GNB1: variants seen among roughly 807,000 people sequenced by gnomAD.
GNB1 encodes G protein subunit beta 1.
GNB1 carries 2 observed loss-of-function variants against 42.9 expected under a neutral mutation model. The ratio of observed to expected loss-of-function variants is 0.05; its 90% confidence interval spans 0.02 to 0.15. The LOEUF is 0.15. GNB1 is among the 10% of genes least tolerant of loss of function. The probability of loss-of-function intolerance (pLI) is 1.00; values close to 1 mark genes in which losing one functional copy is unlikely to be tolerated. For missense variants in GNB1, 193 were observed against 462.2 expected (o/e 0.42, Z 5.34); for synonymous variants, 183 against 174.7 (o/e 1.05, Z -0.38).
chr1:1,833,326 C>A (rs900791066), intron 2 of GNB1, among the ~76,000 whole-genome samples: 1 of 152,164 alleles, frequency 6.6e-6, no homozygotes, highest in Non-Finnish European at 1.5e-5. Context: ...TTCCATTTTT[C>A]TTTCATTCCC....
intron 1 of GNB1, among the ~76,000 whole-genome samples, chr1:1,841,423 G>T (rs890494588): frequency 1.3e-5 from 2 of 152,122 alleles, no homozygotes; most frequent in Non-Finnish European, 2.9e-5. Context: ...CAGGTAATCC[G>T]CCTGTTTCAG....
chr1:1,793,488 G>T (rs937506992), intron 7 of GNB1, 177 bp from the exon 8 acceptor site: 2 of 495,606 alleles, frequency 4.0e-6, no homozygotes, highest in Non-Finnish European at 7.7e-6. Flanking sequence ...CGCACTGCTG[G>T]TGAGGGTGAG....
At chr1:1,795,493 C>T (rs116184794) in intron 7 of GNB1, among the ~76,000 whole-genome samples, 1,704 of 152,228 alleles carry the variant, frequency 0.011, 28 homozygotes, top group African/African-American at 0.038. Flanking sequence ...TGGCTGGACG[C>T]GGTGGCTCAT....
In GNB1 at chr1:1,822,745, G is replaced by A. The variant is rs1436347956; in HGVS notation, c.57+2652C>T. Among the ~76,000 whole-genome samples the A allele has an allele frequency of 4.6e-5, 7 of 152,142 alleles. No individual in the cohort carries two copies. In the South Asian group the frequency reaches 6.2e-4, roughly 14 times the overall value. ...CACAACGTGACAGGGTCCAAACCTC[G>A]GAAGGAGGTGCAACAGTTCCTTTTG... is the stretch of plus-strand genomic sequence containing the variant. On this transcript the variant is annotated intron_variant, in intron 3 of 11. Coordinates refer to ENST00000378609, the MANE Select transcript of GNB1 (RefSeq NM_002074.5).
At chr1:1,888,915 C>T (rs914705385) in intron 1 of GNB1, among the ~76,000 whole-genome samples, 2 of 152,190 alleles carry the variant, frequency 1.3e-5, no homozygotes, top group Admixed American at 1.3e-4. Flanking sequence ...GGGAGGCTCT[C>T]AGACCTGTCT....
At position 1,815,637 on chromosome 1, in the gene GNB1, T is replaced by C. The variant is rs891447478; in HGVS notation, c.203+119A>G. ...GCACCTTGCGTGCCCAGAGTTCTGA[T>C]TCAACTTCCTAATTTCTTCACTGCA... On this transcript the variant is annotated intron_variant, in intron 5 of 11. Transcript: ENST00000378609. The C allele has an allele frequency of 4.8e-6, 3 of 627,038 alleles. No individual in the cohort carries two copies. In the African/African-American group the frequency reaches 5.5e-5, roughly 12 times the overall value. 38.8% of individuals were successfully genotyped at this position (627,038 alleles called of 1,614,324 possible). A position where few individuals can be genotyped will look rare whatever the true frequency, so the allele number is the denominator to read the frequency against.
chr1:1,877,224 G>A (rs1218876252), intron 1 of GNB1, among the ~76,000 whole-genome samples: 1 of 151,126 alleles, frequency 6.6e-6, no homozygotes, highest in African/African-American at 2.4e-5. Context: ...CGCCTGAGCT[G>A]GGGAGGTGGA....
intron 1 of GNB1, among the ~76,000 whole-genome samples, chr1:1,867,948 TTACCTATAA>T (rs1299006641): frequency 6.6e-6 from 1 of 152,204 alleles, no homozygotes; most frequent in Non-Finnish European, 1.5e-5. Flanking sequence ...TTTGTTCCAC[TTACCTATAA>T]TACTTATAAA....
chr1:1,830,000 A>G (rs890074399), intron 2 of GNB1, among the ~76,000 whole-genome samples: 2 of 152,052 alleles, frequency 1.3e-5, no homozygotes, highest in Non-Finnish European at 2.9e-5. Context: ...TCGGCCTCCC[A>G]AAGTGCTGGG....
intron 1 of GNB1, among the ~76,000 whole-genome samples, chr1:1,843,498 A>G (rs549171000): frequency 3.2e-4 from 48 of 152,176 alleles, no homozygotes; most frequent in African/African-American, 1.1e-3. Flanking sequence ...CGGTGCTGGG[A>G]TTGCAGGCAC....
chr1:1,804,732 C>A (rs761312341), intron 6 of GNB1, 151 bp from the exon 7 acceptor site: 1 of 613,168 alleles, frequency 1.6e-6, no homozygotes, highest in East Asian at 2.8e-5. Flanking sequence ...CATATGTGGC[C>A]ACTCAGGTGA....
intron 1 of GNB1, among the ~76,000 whole-genome samples, chr1:1,882,715 G>A (rs1649920876): frequency 6.6e-6 from 1 of 152,184 alleles, no homozygotes; most frequent in African/African-American, 2.4e-5. Context: ...GAGGTCAGGA[G>A]TTTGAGACCA....
chr1:1,821,677 C>G (rs1036392677), intron 3 of GNB1, among the ~76,000 whole-genome samples: 1 of 152,190 alleles, frequency 6.6e-6, no homozygotes, highest in African/African-American at 2.4e-5. Context: ...AGCAGCTAGG[C>G]GCCTCTCCTA....
rs964723480 is a variant in GNB1, at chr1:1,890,944, C to A, written c.-220G>T. On this transcript the variant is annotated 5_prime_UTR_variant, in exon 1 of 12. Transcript: ENST00000378609. Reference sequence around the variant, plus strand: ...TGCGGGCAGGTGCGCGCCGGCGAGGCTCGGTCCAGTCCCGCCGCGGCGGCT... The same window carrying A: ...TGCGGGCAGGTGCGCGCCGGCGAGGATCGGTCCAGTCCCGCCGCGGCGGCT... 1.4e-5 allele frequency: 2 copies of A among 147,396 alleles called. No individual in the cohort carries two copies. Among genetic ancestry groups the A allele is most frequent in the Non-Finnish European group, 3.0e-5 (2 of 65,896 alleles). The allele number at this position is 147,396 out of a possible 1,614,324, so 9.1% of individuals were successfully genotyped here.
Position 1,884,685 on chromosome 1 carries a change from C to CTT in GNB1, c.-96+6133_-96+6134dup, listed in dbSNP as rs546281492. ...CACTGATGCCCTTAGTATTCCCATT[C>CTT]TTTTTTTTTTTTTGAGAGACGGAGT... On this transcript the variant is annotated intron_variant, in intron 1 of 11. Transcript: ENST00000378609. Among the ~76,000 whole-genome samples, 5 of 145,252 alleles carry CTT rather than the reference C, an allele frequency of 3.4e-5. No individual in the cohort carries two copies. The South Asian group carries it at 6.6e-4, about 19-fold the overall frequency.
chr1:1,814,797 CAAAAAA>C (rs66588627), intron 5 of GNB1, among the ~76,000 whole-genome samples: 34 of 77,596 alleles, frequency 4.4e-4, no homozygotes, highest in Middle Eastern at 6.7e-3. Context: ...GACCCTGTCT[CAAAAAA>C]AAAAAAAAAA....
Position 1,787,655 on chromosome 1 carries a change from C to T in GNB1, c.917-218G>A, listed in dbSNP as rs1389165869. ...TCAAAGACACGCACACACACGCAAT[C>T]GATAAATCCAGAGCCCCTGGCATTG... On this transcript the variant is annotated intron_variant, in intron 10 of 11. Coordinates refer to ENST00000378609, the MANE Select transcript of GNB1 (RefSeq NM_002074.5). This position sits in a 1 kb window ranked among gnomAD's most constrained non-coding sequence, Gnocchi z 4.4. Among the ~76,000 whole-genome samples, 1 of 152,082 alleles carries T rather than the reference C, an allele frequency of 6.6e-6. No homozygotes were observed. The highest frequency in any genetic ancestry group is 2.4e-5 in the African/African-American group (1 of 41,400).
intron 1 of GNB1, among the ~76,000 whole-genome samples, chr1:1,883,479 C>T (rs1237917482): frequency 2.6e-5 from 4 of 152,164 alleles, no homozygotes; most frequent in Admixed American, 6.5e-5. Context: ...CATCTTATAA[C>T]ATTTGTTAAC....
chr1:1,797,059 C>T (rs532129248), intron 7 of GNB1, among the ~76,000 whole-genome samples: 1 of 152,272 alleles, frequency 6.6e-6, no homozygotes, highest in African/African-American at 2.4e-5. Flanking sequence ...CTGCTCTACC[C>T]AGCATGGCTG....
Sources: allele counts gnomAD v4.1 joint callset (sites outside exome capture counted in the v4.1 genomes callset), GRCh38; gene constraint gnomAD v4.1.1; non-coding constraint Gnocchi (gnomAD v3.1); transcripts MANE v1.5; gene names NCBI Gene and HGNC (gene_info 2026-07-23, HGNC 2026-07-21).